The following PPP2R2B variants were observed in gnomAD, a reference collection of about 807,000 sequenced individuals.
PPP2R2B encodes the protein serine/threonine-protein phosphatase 2A 55 kDa regulatory subunit B beta isoform.
PPP2R2B carries 5 observed loss-of-function variants against 46.0 expected under a neutral mutation model. That is an observed-to-expected ratio of 0.11 (90% CI 0.06 to 0.23). The LOEUF (loss-of-function observed/expected upper bound fraction) is 0.23. Among genes scored for constraint, PPP2R2B ranks in the 10% least tolerant of loss-of-function variants. The pLI, the probability that PPP2R2B is intolerant of heterozygous loss-of-function variation, is 1.00. For synonymous variants in PPP2R2B, 215 were observed against 206.7 expected, an observed-to-expected ratio of 1.04 and a Z score of -0.34; for missense variants, 367 against 575.0, an observed-to-expected ratio of 0.64 and a Z score of 3.70.
At chr5:146,699,138 T>G (rs779466026) in intron 3 of PPP2R2B, among the ~76,000 whole-genome samples, 2 of 152,238 alleles carry the variant, frequency 1.3e-5, no homozygotes, top group Non-Finnish European at 2.9e-5. Flanking sequence ...AGCTTGACTC[T>G]TAATAAAAGG....
intron 7 of PPP2R2B, among the ~76,000 whole-genome samples, chr5:146,629,840 G>T (rs3096083): frequency 6.8e-6 from 1 of 146,404 alleles, no homozygotes; most frequent in Non-Finnish European, 1.5e-5. Context: ...TTGCCCTCTC[G>T]TCTTGCTCTG....
intron 5 of PPP2R2B, among the ~76,000 whole-genome samples, chr5:146,651,164 T>C (rs184513617): frequency 9.2e-5 from 14 of 152,336 alleles, no homozygotes; most frequent in Admixed American, 9.2e-4. Flanking sequence ...TTTCATCTCA[T>C]GGCTTTGGAA....
chr5:146,598,864 A>C (rs1771494598), intron 8 of PPP2R2B, among the ~76,000 whole-genome samples: 1 of 152,204 alleles, frequency 6.6e-6, no homozygotes, highest in Non-Finnish European at 1.5e-5. Context: ...CAGCACAACC[A>C]GAATGTTCAT....
intron 2 of PPP2R2B, among the ~76,000 whole-genome samples, chr5:146,874,463 A>G (rs1432888): frequency 6.6e-6 from 1 of 152,246 alleles, no homozygotes; most frequent in African/African-American, 2.4e-5. Context: ...ACATTAAGTA[A>G]CAATAACAGC....
chr5:146,753,056 C>T (rs987831316), intron 2 of PPP2R2B, among the ~76,000 whole-genome samples: 7 of 152,172 alleles, frequency 4.6e-5, no homozygotes, highest in African/African-American at 1.4e-4. Flanking sequence ...GAAAGAAACA[C>T]ATTTTGGCAA....
chr5:146,900,835 C>T (rs1762812859), intron 1 of PPP2R2B, among the ~76,000 whole-genome samples: 1 of 151,610 alleles, frequency 6.6e-6, no homozygotes, highest in Non-Finnish European at 1.5e-5. Flanking sequence ...TTATTGTTCC[C>T]CTCCCTGTGT....
chr5:147,053,810 C>G (rs886521315), intron 1 of PPP2R2B, among the ~76,000 whole-genome samples: 4 of 152,198 alleles, frequency 2.6e-5, no homozygotes, highest in African/African-American at 7.2e-5. Context: ...TTCATCTCAA[C>G]ATCCTTGTTA....
At chr5:146,736,355 G>A (rs1581985441) in intron 2 of PPP2R2B, among the ~76,000 whole-genome samples, 1 of 152,074 alleles carries the variant, frequency 6.6e-6, no homozygotes, top group Non-Finnish European at 1.5e-5. Flanking sequence ...ACAACTGAGC[G>A]TTATGCCCTG....
At chr5:146,819,351 T>A (rs3797629) in intron 2 of PPP2R2B, among the ~76,000 whole-genome samples, 20,311 of 152,118 alleles carry the variant, frequency 0.13, 1,998 homozygotes, top group East Asian at 0.42. Context: ...AACCTAAGGA[T>A]GAGCACATTC....
intron 1 of PPP2R2B, among the ~76,000 whole-genome samples, chr5:146,966,969 T>G (rs754745089): frequency 3.9e-5 from 6 of 152,218 alleles, no homozygotes; most frequent in Non-Finnish European, 8.8e-5. Context: ...CTTTGCTCAG[T>G]ATTATAATGC....
intron 9 of PPP2R2B, among the ~76,000 whole-genome samples, 172 bp from the exon 10 acceptor site, chr5:146,590,398 G>GTTTTTTTTTTT (rs1221281341): frequency 8.8e-6 from 1 of 113,418 alleles, no homozygotes; most frequent in African/African-American, 3.3e-5. Flanking sequence ...TTTTTTTTGT[G>GTTTTTTTTTTT]TTTTTTTTTT....
intron 2 of PPP2R2B, among the ~76,000 whole-genome samples, chr5:146,838,963 T>C (rs1759461836): frequency 6.6e-6 from 1 of 152,182 alleles, no homozygotes; most frequent in Non-Finnish European, 1.5e-5. Flanking sequence ...CCATCCTCCC[T>C]GTGAGAAAAC....
At chr5:147,015,240 CA>C (rs1184849645) in intron 1 of PPP2R2B, among the ~76,000 whole-genome samples, 4 of 149,234 alleles carry the variant, frequency 2.7e-5, no homozygotes, top group African/African-American at 9.7e-5. Flanking sequence ...TTTTATAGAC[CA>C]CATTCGTCTC....
chr5:146,962,977 A>C (rs768793817), intron 1 of PPP2R2B, among the ~76,000 whole-genome samples: 1 of 152,228 alleles, frequency 6.6e-6, no homozygotes, highest in Non-Finnish European at 1.5e-5. Context: ...AGTGGAGCTG[A>C]ATAGAGAACA....
chr5:146,813,201 G>A (rs902485288), intron 2 of PPP2R2B, among the ~76,000 whole-genome samples: 10 of 151,500 alleles, frequency 6.6e-5, no homozygotes, highest in Admixed American at 2.0e-4. Context: ...TGCATAGGAA[G>A]CACCTAATAA....
In PPP2R2B at chr5:146,703,401, G is replaced by T. The variant is rs146934379; in HGVS notation, c.71-2259C>A. 2.0e-5 allele frequency among the ~76,000 whole-genome samples: 3 copies of T among 152,276 alleles called. No homozygotes were observed. The East Asian group carries it at 5.8e-4, about 29-fold the overall frequency. ...TACAATGCCTGGCTCTTGTCTCAGA[G>T]CTACGTTCTAAAGTTCTGCTTACAT... On this transcript the variant is annotated intron_variant, in intron 2 of 9. Coordinates refer to ENST00000394411, the MANE Select transcript of PPP2R2B (RefSeq NM_181675.4).
At chr5:146,955,511 ATT>A (rs1751851900) in intron 1 of PPP2R2B, among the ~76,000 whole-genome samples, 1 of 152,186 alleles carries the variant, frequency 6.6e-6, no homozygotes, top group Non-Finnish European at 1.5e-5. Context: ...TGAAGTATCA[ATT>A]TTACAGTATC....
At chr5:147,008,250 T>A (rs896953530) in intron 1 of PPP2R2B, among the ~76,000 whole-genome samples, 1 of 152,152 alleles carries the variant, frequency 6.6e-6, no homozygotes, top group Non-Finnish European at 1.5e-5. Flanking sequence ...TGCTCCCAAC[T>A]TATGGACTTT....
At chr5:147,044,066 C>T (rs1756436830) in intron 1 of PPP2R2B, among the ~76,000 whole-genome samples, 1 of 152,066 alleles carries the variant, frequency 6.6e-6, no homozygotes, top group South Asian at 2.1e-4. Flanking sequence ...TACATTAAAA[C>T]ATTAGAATAG....
Sources: allele counts gnomAD v4.1 joint callset (sites outside exome capture counted in the v4.1 genomes callset), GRCh38; gene constraint gnomAD v4.1.1; transcripts MANE v1.5; gene names NCBI Gene and HGNC (gene_info 2026-07-23, HGNC 2026-07-21).